The following GRM8 variants were observed in gnomAD, a reference collection of about 807,000 sequenced individuals.
GRM8 encodes glutamate metabotropic receptor 8.
A neutral mutation model predicts 87.2 loss-of-function variants in GRM8; 47 were observed. The ratio of observed to expected loss-of-function variants is 0.54; its 90% CI spans 0.43 to 0.69. The LOEUF (loss-of-function observed/expected upper bound fraction) is 0.69. Among genes scored for constraint, GRM8 ranks in the 30% least tolerant of loss-of-function variants. The probability of loss-of-function intolerance (pLI) is 0.00; values close to 1 mark genes in which losing one functional copy is unlikely to be tolerated. For missense variants in GRM8, 1,019 were observed against 1,139.2 expected, an observed-to-expected ratio of 0.89 and a Z score of 1.52; for synonymous variants, 396 against 404.5, an observed-to-expected ratio of 0.98 and a Z score of 0.25.
At position 127,038,575 on chromosome 7, in the gene GRM8, A is replaced by G. The variant is rs17865984; in HGVS notation, c.727+67921T>C. On this transcript the variant is annotated intron_variant, in intron 3 of 10. Transcript: ENST00000339582. ...CGAGTGAACTCACATAAAGAACTTA[A>G]AAAGATTATTTTTTAAATTTATTTA... Among the ~76,000 whole-genome samples, 1,479 of 152,296 alleles carry G rather than the reference A, an allele frequency of 9.7e-3. 22 individuals carry two copies. The highest frequency in any genetic ancestry group is 0.032 in the African/African-American group (1,341 of 41,570).
chr7:127,073,077 C>T (rs1024662501), intron 3 of GRM8, among the ~76,000 whole-genome samples: 6 of 152,042 alleles, frequency 3.9e-5, no homozygotes, highest in Non-Finnish European at 7.4e-5. Flanking sequence ...CAGTCATCAC[C>T]GCCACAGCTG....
chr7:126,627,464 T>A (rs557887564), intron 7 of GRM8, among the ~76,000 whole-genome samples: 4 of 152,356 alleles, frequency 2.6e-5, no homozygotes, highest in African/African-American at 4.8e-5. Context: ...TTTATTTCTA[T>A]GGAAAGCATC....
chr7:127,013,841 G>C (rs189647232), intron 3 of GRM8, among the ~76,000 whole-genome samples: 234 of 152,270 alleles, frequency 1.5e-3, no homozygotes, highest in African/African-American at 5.4e-3. Flanking sequence ...TAGTCCAGCT[G>C]CAAGTTCAGC....
intron 9 of GRM8, among the ~76,000 whole-genome samples, chr7:126,528,614 TTGTGTG>T (rs59437677): frequency 0.49 from 73,536 of 149,046 alleles, 18,097 homozygotes; most frequent in East Asian, 0.59. Context: ...ACAAAAGAAG[TTGTGTG>T]TGTGTGTGTG....
At chr7:127,121,748 C>T (rs1827103033) in intron 2 of GRM8, among the ~76,000 whole-genome samples, 2 of 152,048 alleles carry the variant, frequency 1.3e-5, no homozygotes, top group South Asian at 4.1e-4. Context: ...TTTTAAACCA[C>T]CACATCTTGT....
At chr7:126,646,753 TGA>T (rs1803143650) in intron 7 of GRM8, among the ~76,000 whole-genome samples, 1 of 152,214 alleles carries the variant, frequency 6.6e-6, no homozygotes, top group Admixed American at 6.5e-5. Context: ...AGTGATTAAA[TGA>T]TATAATCCAT....
At chr7:126,580,115 G>T (rs2151009427) in intron 8 of GRM8, among the ~76,000 whole-genome samples, 1 of 152,134 alleles carries the variant, frequency 6.6e-6, no homozygotes, top group South Asian at 2.1e-4. Context: ...GTTAAATGAT[G>T]GTTTTCTCTG....
rs1339479857 is a variant in GRM8, at chr7:126,638,710, C to T, written c.1358-29212G>A. On this transcript the variant is annotated intron_variant, in intron 7 of 10. Transcript: ENST00000339582. ...AAGATAACATTCGCCTGTGATGTAACTTAGTCTATCTTGCTTCTTAGGTGT... is the reference window on the plus strand; with the variant it reads ...AAGATAACATTCGCCTGTGATGTAATTTAGTCTATCTTGCTTCTTAGGTGT... 2.0e-5 allele frequency among the ~76,000 whole-genome samples: 3 copies of T among 152,122 alleles called. No individual in the cohort carries two copies. In the East Asian group the frequency reaches 5.8e-4, roughly 29 times the overall value.
rs79074206 is a variant in GRM8, at chr7:126,605,330, C to T, written c.1494+4032G>A. ...GACAATACATGCCTCATGTGTGGGC[C>T]GAGATTACTGAGTAGAAAACTTAAA... On this transcript the variant is annotated intron_variant, in intron 8 of 10. Coordinates refer to ENST00000339582, the MANE Select transcript of GRM8 (RefSeq NM_000845.3). 7.5e-3 allele frequency among the ~76,000 whole-genome samples: 1,142 copies of T among 152,014 alleles called. 8 individuals carry two copies. The highest frequency in any genetic ancestry group is 0.013 in the Non-Finnish European group (870 of 67,984).
At chr7:127,042,874 G>A (rs1818558618) in intron 3 of GRM8, among the ~76,000 whole-genome samples, 1 of 151,984 alleles carries the variant, frequency 6.6e-6, no homozygotes, top group Admixed American at 6.6e-5. Context: ...TCTGACAAAG[G>A]GCTAATATCC....
intron 2 of GRM8, among the ~76,000 whole-genome samples, chr7:127,231,203 T>G (rs2116807557): frequency 6.6e-6 from 1 of 152,252 alleles, no homozygotes; most frequent in African/African-American, 2.4e-5. Context: ...AATAGGTGGG[T>G]TAAATGCTAG....
chr7:126,848,906 A>G lies in GRM8; in HGVS notation c.1156+53636T>C, dbSNP rs566886963. On this transcript the variant is annotated intron_variant, in intron 6 of 10. Coordinates refer to ENST00000339582, the MANE Select transcript of GRM8 (RefSeq NM_000845.3). ...AGAGGTTTAATGGACTTACAGTTAC[A>G]TATGGCTGGGAAAGCCTCACAATCA... Among the ~76,000 whole-genome samples the G allele has an allele frequency of 1.4e-4, 21 of 152,328 alleles. No homozygotes were observed. The South Asian group carries it at 4.3e-3, about 32-fold the overall frequency.
intron 3 of GRM8, among the ~76,000 whole-genome samples, chr7:127,023,727 T>C (rs1215538139): frequency 6.6e-6 from 1 of 152,124 alleles, no homozygotes; most frequent in Non-Finnish European, 1.5e-5. Context: ...AAAAATCTCC[T>C]TGGCTGACAA....
At chr7:127,244,296 CA>C (rs1166891333) in intron 1 of GRM8, among the ~76,000 whole-genome samples, 1 of 152,184 alleles carries the variant, frequency 6.6e-6, no homozygotes, top group Admixed American at 6.5e-5. Flanking sequence ...AGGAGCAAAT[CA>C]GAGTTGTCAA....
intron 3 of GRM8, among the ~76,000 whole-genome samples, chr7:127,102,603 T>C (rs377150250): frequency 1.3e-5 from 2 of 152,202 alleles, no homozygotes; most frequent in African/African-American, 2.4e-5. Context: ...TGAGCTACTA[T>C]AAGCCTTGAC....
chr7:126,788,347 T>C (rs995335479), intron 6 of GRM8, among the ~76,000 whole-genome samples: 1 of 139,592 alleles, frequency 7.2e-6, no homozygotes, highest in Non-Finnish European at 1.5e-5. Context: ...CAAGTGAAGG[T>C]TGCAGTGAGC....
intron 6 of GRM8, among the ~76,000 whole-genome samples, chr7:126,786,882 G>A (rs905276005): frequency 6.6e-6 from 1 of 152,144 alleles, no homozygotes; most frequent in Non-Finnish European, 1.5e-5. Flanking sequence ...TTTCTGAACT[G>A]TATGACTGTT....
At chr7:127,094,981 A>C (rs1824498624) in intron 3 of GRM8, among the ~76,000 whole-genome samples, 1 of 152,204 alleles carries the variant, frequency 6.6e-6, no homozygotes, top group Admixed American at 6.5e-5. Flanking sequence ...TCAGGGCCCC[A>C]TACAATAGCC....
chr7:126,523,654 T>A (rs537848191), intron 9 of GRM8, among the ~76,000 whole-genome samples: 1 of 152,036 alleles, frequency 6.6e-6, no homozygotes, highest in Non-Finnish European at 1.5e-5. Flanking sequence ...CCTGCAATCA[T>A]GCCAGGCTAA....
Sources: gnomAD v4.1 joint callset for allele counts (sites outside exome capture counted in the v4.1 genomes callset) on GRCh38, gnomAD v4.1.1 for gene constraint, MANE v1.5 for transcripts, NCBI Gene and HGNC (gene_info 2026-07-23, HGNC 2026-07-21) for gene names.